The following EXD2 variants were observed in gnomAD, a reference collection of about 807,000 sequenced individuals.
The protein encoded by EXD2 is exonuclease 3'-5' domain containing 2.
Under a neutral mutation model 62.5 loss-of-function variants are expected in EXD2, and 40 were observed. The observed-to-expected ratio is 0.64, with a 90% CI of 0.50 to 0.83. The LOEUF is 0.83. EXD2 is among the 40% of genes least tolerant of loss of function. The pLI is 0.00. For missense variants in EXD2, 671 were observed against 761.8 expected (o/e 0.88, Z 1.40); for synonymous variants, 239 against 291.9 (o/e 0.82, Z 1.85).
rs775702891 is a variant in EXD2, at chr14:69,237,684, T to C, written c.1402T>C (p.Tyr468His). Residue 468 changes from tyrosine (Y) to histidine (H), a missense_variant, in exon 9 of 10, where the codon TAC (tyrosine) becomes CAC (histidine). Physicochemically the swap from Tyr to His is moderately conservative, Grantham distance 83 (BLOSUM62 2). Transcript: ENST00000685843. ...LCTSCHAISN[Y>H]YDNHLKQQLA... ...CACCTCCTGCCATGCCATTTCCAAC[T>C]ACTATGACAACCATCTGAAGCAGCA... 41 of 1,614,098 alleles carry C rather than the reference T, an allele frequency of 2.5e-5. No homozygotes were observed. The South Asian group carries it at 4.3e-4, about 17-fold the overall frequency.
intron 2 of EXD2, among the ~76,000 whole-genome samples, chr14:69,205,080 T>A (rs2042543377): frequency 6.6e-6 from 1 of 152,238 alleles, no homozygotes; most frequent in South Asian, 2.1e-4. Context: ...GTGAATAGAT[T>A]TAATTTATCC....
At chr14:69,227,759 G>A (rs549494093) in intron 3 of EXD2, among the ~76,000 whole-genome samples, 153 of 152,188 alleles carry the variant, frequency 1.0e-3, no homozygotes, top group African/African-American at 3.3e-3. Context: ...GCTTGAACTC[G>A]GGAGGCGGAG....
rs758339231 is a variant in EXD2 at position 69,235,015 on chromosome 14, G to A, written c.1033G>A (p.Val345Met). 1 of 1,595,826 alleles carries A rather than the reference G, an allele frequency of 6.3e-7. No homozygotes were observed. The highest frequency in any genetic ancestry group is 1.4e-5 in the African/African-American group (1 of 73,912). ...PRKHKRKPLG[V>M]GYSARKSPLY... ...AAAACATAAAAGAAAGCCTCTGGGG[G>A]TGGGCTATTCTGCCAGGTAACTGAA... Residue 345 changes from valine (V) to methionine (M), a missense_variant, in exon 6 of 10, where the codon GTG becomes ATG. Coordinates refer to ENST00000685843, the MANE Select transcript of EXD2 (RefSeq NM_001193360.2).
intron 5 of EXD2, among the ~76,000 whole-genome samples, chr14:69,231,603 C>T (rs139938473): frequency 6.6e-6 from 1 of 152,262 alleles, no homozygotes; most frequent in East Asian, 1.9e-4. Context: ...ACCCCAGACT[C>T]CTTATCAGAA....
At chr14:69,202,474 C>G (rs111377987) in intron 1 of EXD2, among the ~76,000 whole-genome samples, 1 of 152,212 alleles carries the variant, frequency 6.6e-6, no homozygotes, top group African/African-American at 2.4e-5. Flanking sequence ...TGTTATCCCA[C>G]TCTTTGCAAC....
chr14:69,237,648 C>A lies in EXD2; in HGVS notation c.1366C>A (p.Leu456Met). 1 of 1,614,258 alleles carries A rather than the reference C, an allele frequency of 6.2e-7. No individual in the cohort carries two copies. The highest frequency in any genetic ancestry group is 8.5e-7 in the Non-Finnish European group (1 of 1,180,048). The change falls in exon 9 of 10, where the codon CTG becomes ATG. Residue 456 changes from leucine (L) to methionine (M), a missense_variant. Physicochemically the swap from Leu to Met is conservative, Grantham distance 15. Transcript: ENST00000685843. ...EMKDHNSHDVLLLCTSCHAIS... is the reference protein window; with the variant it reads ...EMKDHNSHDVMLLCTSCHAIS... ...GAAGGACCACAACTCCCACGATGTG[C>A]TGCTGCTCTGCACCTCCTGCCATGC...
At chr14:69,230,989 T>G (rs1198940350) in intron 5 of EXD2, among the ~76,000 whole-genome samples, 1 of 152,212 alleles carries the variant, frequency 6.6e-6, no homozygotes, top group Non-Finnish European at 1.5e-5. Context: ...TTCACCACGT[T>G]GGTCAGGCTG....
At position 69,236,086 on chromosome 14, in the gene EXD2, G is replaced by A; in HGVS notation, c.1090G>A (p.Asp364Asn). ...TGATAACTGCTTTCTCCATGCTCCT[G>A]ATGGACAGCCCCTCTGCACTTGTGA... Reference protein sequence around the residue: ...LYDNCFLHAPDGQPLCTCDRR... With the variant: ...LYDNCFLHAPNGQPLCTCDRR... The change falls in exon 7 of 10, where the codon GAT becomes AAT. Residue 364 changes from aspartate (D) to asparagine (N), a missense_variant. By Grantham distance (23) the Asp-to-Asn change is conservative (BLOSUM62 1). Transcript: ENST00000685843. 1 of 1,614,218 alleles carries A rather than the reference G, an allele frequency of 6.2e-7. No individual in the cohort carries two copies. The highest frequency in any genetic ancestry group is 8.5e-7 in the Non-Finnish European group (1 of 1,180,032).
intron 3 of EXD2, among the ~76,000 whole-genome samples, chr14:69,220,661 G>A (rs1347911124): frequency 2.0e-5 from 3 of 150,600 alleles, no homozygotes; most frequent in Non-Finnish European, 3.0e-5. Flanking sequence ...ATGAAGTCAG[G>A]AGTTCGAGAC....
Position 69,236,114 on chromosome 14 carries a change from G to C in EXD2, c.1118G>C (p.Arg373Thr), listed in dbSNP as rs1279525056. Residue 373 changes from arginine to threonine, a missense_variant, in exon 7 of 10, where the codon AGA (arginine) becomes ACA (threonine). Physicochemically the swap from Arg to Thr is moderately conservative, Grantham distance 71 (BLOSUM62 -1). Transcript: ENST00000685843. Reference sequence around the variant, plus strand: ...GGACAGCCCCTCTGCACTTGTGATAGAAGAAAAGCTCAGTGGTACCTGGAC... The same window carrying C: ...GGACAGCCCCTCTGCACTTGTGATACAAGAAAAGCTCAGTGGTACCTGGAC... ...PDGQPLCTCD[R>T]RKAQWYLDKG... 2.5e-6 allele frequency: 4 copies of C among 1,614,066 alleles called. No homozygotes were observed. In the African/African-American group the frequency reaches 4.0e-5, roughly 16 times the overall value.
chr14:69,228,473 T>A (rs1431018615), intron 3 of EXD2, among the ~76,000 whole-genome samples: 1 of 152,180 alleles, frequency 6.6e-6, no homozygotes, highest in Non-Finnish European at 1.5e-5. Context: ...ATTACAGGCA[T>A]GAGCTACCGT....
At chr14:69,196,926 G>GT (rs2042226223) in intron 1 of EXD2, among the ~76,000 whole-genome samples, 1 of 151,912 alleles carries the variant, frequency 6.6e-6, no homozygotes, top group South Asian at 2.1e-4. Context: ...GGCCTTATTT[G>GT]TTTTTTTGAA....
At chr14:69,214,489 T>C (rs1191109875) in intron 3 of EXD2, among the ~76,000 whole-genome samples, 1 of 152,220 alleles carries the variant, frequency 6.6e-6, no homozygotes, top group Non-Finnish European at 1.5e-5. Flanking sequence ...AACCTGCCCC[T>C]GAGTCTTTTT....
At chr14:69,212,601 C>A (rs988518283) in intron 3 of EXD2, among the ~76,000 whole-genome samples, 1 of 150,020 alleles carries the variant, frequency 6.7e-6, no homozygotes, top group Non-Finnish European at 1.5e-5. Context: ...CACTGAACCT[C>A]GAACTCATGG....
intron 5 of EXD2, among the ~76,000 whole-genome samples, chr14:69,230,873 C>T (rs1054899744): frequency 6.6e-6 from 1 of 152,170 alleles, no homozygotes; most frequent in African/African-American, 2.4e-5. Context: ...ACCTCTGCCT[C>T]CTGGGTTCAA....
At chr14:69,212,678 A>C (rs1566824061) in intron 3 of EXD2, among the ~76,000 whole-genome samples, 3 of 141,662 alleles carry the variant, frequency 2.1e-5, no homozygotes, top group African/African-American at 7.9e-5. Context: ...CACCACTGTC[A>C]CTTGGTTCCA....
Position 69,239,401 on chromosome 14 carries a change from T to A in EXD2, c.1649+1470T>A, listed in dbSNP as rs569020680. Among the ~76,000 whole-genome samples, 3 of 152,322 alleles carry A rather than the reference T, an allele frequency of 2.0e-5. No homozygotes were observed. In the East Asian group the frequency reaches 5.8e-4, roughly 29 times the overall value. On this transcript the variant is annotated intron_variant, in intron 9 of 9. Coordinates refer to ENST00000685843, the MANE Select transcript of EXD2 (RefSeq NM_001193360.2). ...GTTAACTGAAAAATAAAAAAGTAAC[T>A]CCAATTATAAGCAAATATTTAATTT... is the stretch of plus-strand genomic sequence containing the variant.
chr14:69,235,933 A>C (rs2043768762), intron 6 of EXD2, 113 bp from the exon 7 acceptor site: 2 of 804,362 alleles, frequency 2.5e-6, no homozygotes, highest in Non-Finnish European at 4.5e-6. Context: ...GGTGTGTTTG[A>C]CCTTAGTGTT....
At chr14:69,219,846 C>T (rs2043109697) in intron 3 of EXD2, among the ~76,000 whole-genome samples, 1 of 152,072 alleles carries the variant, frequency 6.6e-6, no homozygotes, top group Non-Finnish European at 1.5e-5. Context: ...GTGTACCTGG[C>T]TAGGATCACA....
Sources: allele counts gnomAD v4.1 joint callset (sites outside exome capture counted in the v4.1 genomes callset), GRCh38; gene constraint gnomAD v4.1.1; transcripts MANE v1.5; gene names NCBI Gene and HGNC (gene_info 2026-07-23, HGNC 2026-07-21).